RPS6KA2: variants seen among roughly 807,000 people sequenced by gnomAD.
The protein encoded by RPS6KA2 is ribosomal protein S6 kinase alpha-2.
RPS6KA2 carries 42 observed loss-of-function variants against 91.8 expected under a neutral mutation model. The observed-to-expected ratio is 0.46, with a 90% confidence interval of 0.36 to 0.59. The LOEUF (loss-of-function observed/expected upper bound fraction) is 0.59, where lower values mean the gene tolerates loss of function less well. Ranked by LOEUF, RPS6KA2 falls within the 20% of genes least tolerant of loss-of-function variation. RPS6KA2 has a pLI of 0.00. For synonymous variants in RPS6KA2, 414 were observed against 393.6 expected (o/e 1.05, Z -0.61); for missense variants, 798 against 978.5 (o/e 0.82, Z 2.46).
Position 166,423,473 on chromosome 6 carries a change from G to A in RPS6KA2, c.1582-56C>T, listed in dbSNP as rs1778802547. 3.3e-6 allele frequency: 5 copies of A among 1,528,738 alleles called. No homozygotes were observed. The Admixed American group carries it at 7.5e-5, about 23-fold the overall frequency. The allele number at this position is 1,528,738 out of a possible 1,614,324, so 94.7% of individuals were successfully genotyped here. On this transcript the variant is annotated intron_variant, in intron 16 of 20. Coordinates refer to ENST00000265678, the MANE Select transcript of RPS6KA2 (RefSeq NM_021135.6). The surrounding 1 kb of genome is among the most constrained non-coding windows in gnomAD (Gnocchi z 4.8). ...GGGGCTGAGGACTGAGCAGGAGAGGGAGGGCAGGTGCATTTGGAGGGGAGG... is the reference window on the plus strand; with the variant it reads ...GGGGCTGAGGACTGAGCAGGAGAGGAAGGGCAGGTGCATTTGGAGGGGAGG...
chr6:166,840,327 A>C (rs1780434913), intron 2 of RPS6KA2, among the ~76,000 whole-genome samples: 1 of 151,966 alleles, frequency 6.6e-6, no homozygotes, highest in Admixed American at 6.6e-5. Flanking sequence ...AAAGAAACAG[A>C]CTTCCAGGCT....
intron 10 of RPS6KA2, among the ~76,000 whole-genome samples, chr6:166,487,369 G>T (rs752970793): frequency 1.3e-5 from 2 of 152,080 alleles, no homozygotes; most frequent in Non-Finnish European, 2.9e-5. Context: ...CCAGTGCCAC[G>T]GGAGCTCACT....
chr6:166,676,745 G>T (rs1461921896), intron 2 of RPS6KA2, among the ~76,000 whole-genome samples: 1 of 152,202 alleles, frequency 6.6e-6, no homozygotes, highest in Non-Finnish European at 1.5e-5. Flanking sequence ...TGCGAACACT[G>T]CTCCCAACGT....
intron 2 of RPS6KA2, among the ~76,000 whole-genome samples, chr6:166,650,052 G>A: frequency 6.6e-6 from 1 of 151,714 alleles, no homozygotes; most frequent in East Asian, 1.9e-4. Flanking sequence ...TGTTAGATGG[G>A]GTGACATTAG....
chr6:166,674,442 A>T (rs1380314761), intron 2 of RPS6KA2, among the ~76,000 whole-genome samples: 1 of 152,144 alleles, frequency 6.6e-6, no homozygotes, highest in Non-Finnish European at 1.5e-5. Flanking sequence ...GAGGCAGCTC[A>T]GGGGTGGTCT....
At chr6:166,621,126 T>C (rs1053020224) in intron 1 of RPS6KA2, among the ~76,000 whole-genome samples, 1 of 152,244 alleles carries the variant, frequency 6.6e-6, no homozygotes, top group African/African-American at 2.4e-5. Context: ...CTCATATCAG[T>C]AGCATTCTTG....
intron 1 of RPS6KA2, among the ~76,000 whole-genome samples, chr6:166,608,691 A>C (rs1040994842): frequency 2.6e-5 from 4 of 152,246 alleles, no homozygotes; most frequent in African/African-American, 4.8e-5. Flanking sequence ...TGAGGCCTAC[A>C]GAATGGTCCC....
chr6:166,760,875 A>G (rs1180380613), intron 2 of RPS6KA2, among the ~76,000 whole-genome samples: 1 of 152,206 alleles, frequency 6.6e-6, no homozygotes, highest in Admixed American at 6.5e-5. Context: ...TTAAAAGGAA[A>G]TTTTCCAGGA....
At position 166,418,192 on chromosome 6, in the gene RPS6KA2, A is replaced by G; in HGVS notation, c.1938+33T>C. ...ATCATATGGCTATTTCAGAATCTGA[A>G]TATTTAAAAGCAACGCTGGGACATG... is the stretch of plus-strand genomic sequence containing the variant. On this transcript the variant is annotated intron_variant, in intron 19 of 20. Coordinates refer to ENST00000265678, the MANE Select transcript of RPS6KA2 (RefSeq NM_021135.6). This position sits in a 1 kb window ranked among gnomAD's most constrained non-coding sequence, Gnocchi z 4.9. 7.2e-7 allele frequency: 1 copy of G among 1,397,896 alleles called. No homozygotes were observed. The highest frequency in any genetic ancestry group is 1.8e-5 in the Admixed American group (1 of 54,306). The allele number at this position is 1,397,896 out of a possible 1,614,324, so 86.6% of individuals were successfully genotyped here. A position where few individuals can be genotyped will look rare whatever the true frequency, so the allele number is the denominator to read the frequency against.
At chr6:166,843,073 T>C (rs984970058) in intron 2 of RPS6KA2, among the ~76,000 whole-genome samples, 21 of 152,146 alleles carry the variant, frequency 1.4e-4, no homozygotes, top group Non-Finnish European at 1.5e-5. Context: ...CCTTTAGGAC[T>C]GTGGGCTGCA....
At chr6:166,701,049 T>G in intron 2 of RPS6KA2, 1 of 1,376,204 alleles carries the variant, frequency 7.3e-7, no homozygotes, top group Non-Finnish European at 1.0e-6. Flanking sequence ...AAGCAATCTG[T>G]CTTTGGTTTG....
chr6:166,455,236 G>A (rs1278482062), intron 12 of RPS6KA2, among the ~76,000 whole-genome samples: 5 of 152,058 alleles, frequency 3.3e-5, no homozygotes, highest in African/African-American at 1.2e-4. Context: ...CAGAGAACAC[G>A]TGTTTTGTTT....
chr6:166,853,399 A>G (rs989433722), intron 2 of RPS6KA2, among the ~76,000 whole-genome samples: 1 of 152,260 alleles, frequency 6.6e-6, no homozygotes, highest in Non-Finnish European at 1.5e-5. Flanking sequence ...AAAGACGATA[A>G]AACAGCACAG....
upstream of RPS6KA2, among the ~76,000 whole-genome samples, chr6:166,631,418 A>C (rs1208609928): frequency 1.3e-5 from 2 of 152,116 alleles, no homozygotes; most frequent in Non-Finnish European, 2.9e-5. Flanking sequence ...TGGAGCCCTC[A>C]TCCCCCATCC....
chr6:166,637,780 C>A (rs1787294805), intron 2 of RPS6KA2, among the ~76,000 whole-genome samples: 1 of 152,236 alleles, frequency 6.6e-6, no homozygotes, highest in South Asian at 2.1e-4. Context: ...GGTGAGGAAG[C>A]AGAGGCAGGA....
chr6:166,422,190 G>A (rs1778746444), intron 17 of RPS6KA2, among the ~76,000 whole-genome samples: 1 of 152,152 alleles, frequency 6.6e-6, no homozygotes, highest in Non-Finnish European at 1.5e-5. Context: ...GTGAGCCACC[G>A]CACCCAGCCA....
intron 2 of RPS6KA2, among the ~76,000 whole-genome samples, chr6:166,846,046 A>G (rs578126543): frequency 6.6e-6 from 1 of 152,306 alleles, no homozygotes; most frequent in African/African-American, 2.4e-5. Context: ...GATACCATAG[A>G]AATGCAAAAG....
chr6:166,706,081 T>C (rs1789672623), intron 2 of RPS6KA2, among the ~76,000 whole-genome samples: 1 of 152,236 alleles, frequency 6.6e-6, no homozygotes, highest in Admixed American at 6.5e-5. Context: ...ATCTTGGACT[T>C]CCAGCCTCCA....
At position 166,821,158 on chromosome 6, in the gene RPS6KA2, A is replaced by G. The variant is rs186319581; in HGVS notation, c.123+37042T>C. On this transcript the variant is annotated intron_variant, in intron 2 of 21. Coordinates refer to the RPS6KA2 transcript ENST00000503859. The surrounding 1 kb of genome is among the most constrained non-coding windows in gnomAD (Gnocchi z 4.1). ...GAATTATAAGTATTAATTAGGATAAAATTGTATAAATGTAAAACACATCTA... is the reference window on the plus strand; with the variant it reads ...GAATTATAAGTATTAATTAGGATAAGATTGTATAAATGTAAAACACATCTA... Among the ~76,000 whole-genome samples the G allele has an allele frequency of 2.6e-5, 4 of 152,306 alleles. No individual in the cohort carries two copies. Among genetic ancestry groups the G allele is most frequent in the Non-Finnish European group, 4.4e-5 (3 of 68,034 alleles).
Sources: gnomAD v4.1 joint callset for allele counts (sites outside exome capture counted in the v4.1 genomes callset) on GRCh38, gnomAD v4.1.1 for gene constraint, Gnocchi (gnomAD v3.1) non-coding constraint, MANE v1.5 for transcripts, NCBI Gene and HGNC (gene_info 2026-07-23, HGNC 2026-07-21) for gene names.